The following ARHGAP20 variants were observed in gnomAD, a reference collection of about 807,000 sequenced individuals.
The protein encoded by ARHGAP20 is Rho GTPase activating protein 20, also known as rho GTPase-activating protein 20.
ARHGAP20 carries 34 observed loss-of-function variants against 73.7 expected under a neutral mutation model. The ratio of observed to expected loss-of-function variants is 0.46; its 90% confidence interval spans 0.35 to 0.61. ARHGAP20 has a LOEUF of 0.61. Ranked by LOEUF, ARHGAP20 falls within the 20% of genes least tolerant of loss-of-function variation. The pLI is 0.00. For synonymous variants in ARHGAP20, 523 were observed against 518.2 expected (o/e 1.01, Z -0.13); for missense variants, 1,314 against 1,420.9 (o/e 0.92, Z 1.21).
chr11:110,681,434 C>A (rs1221434812), intron 2 of ARHGAP20, among the ~76,000 whole-genome samples: 1 of 152,030 alleles, frequency 6.6e-6, no homozygotes, highest in Non-Finnish European at 1.5e-5. Flanking sequence ...ATGAGAGTGG[C>A]CTTTATGAGG....
chr11:110,584,494 G>C (rs1303270264), intron 12 of ARHGAP20, among the ~76,000 whole-genome samples: 1 of 151,752 alleles, frequency 6.6e-6, no homozygotes, highest in Non-Finnish European at 1.5e-5. Flanking sequence ...CAAATAGCAG[G>C]GAGGCCTTTC....
intron 2 of ARHGAP20, among the ~76,000 whole-genome samples, chr11:110,677,165 T>C (rs1949948565): frequency 6.6e-6 from 1 of 152,230 alleles, no homozygotes; most frequent in African/African-American, 2.4e-5. Context: ...TTTAATCCTA[T>C]ACTTTGCTTT....
At chr11:110,584,951 A>ATGAATATATG (rs1555082390) in intron 12 of ARHGAP20, among the ~76,000 whole-genome samples, 1 of 93,786 alleles carries the variant, frequency 1.1e-5, no homozygotes, top group African/African-American at 3.3e-5. Flanking sequence ...ATATGAATAT[A>ATGAATATATG]TGAATATATG....
chr11:110,612,812 T>TA, intron 6 of ARHGAP20, among the ~76,000 whole-genome samples: 1 of 152,190 alleles, frequency 6.6e-6, no homozygotes, highest in East Asian at 1.9e-4. Context: ...AAAAAGCATT[T>TA]AAAATGCACA....
In ARHGAP20 at chr11:110,658,129, C is replaced by T. The variant is rs1478760510; in HGVS notation, c.189-27337G>A. ...GTAAGCCTTTTAAACTGCATTTTAT[C>T]AGTCTGTCAAATAGAAGTATTCATG... is the stretch of plus-strand genomic sequence containing the variant. On this transcript the variant is annotated intron_variant, in intron 2 of 14. Transcript: ENST00000683387. 2.0e-5 allele frequency among the ~76,000 whole-genome samples: 3 copies of T among 152,142 alleles called. No individual in the cohort carries two copies. The East Asian group carries it at 5.8e-4, about 29-fold the overall frequency.
In ARHGAP20 at chr11:110,590,702, T is replaced by C; in HGVS notation, c.1251A>G (p.Gly417=). ...ATTCACAGTCTAGGTGTACTTCGAC[T>C]CCAGAATTCAATTTCTCTTTTAGTT... ...CRELKEKLNS[G]VEVHLDCESI... The change falls in exon 11 of 15, where the codon GGA becomes GGG. Residue 417 remains glycine, a synonymous_variant. Coordinates refer to ENST00000683387, the MANE Select transcript of ARHGAP20 (RefSeq NM_001384657.1). The C allele has an allele frequency of 6.2e-7, 1 of 1,614,132 alleles. No individual in the cohort carries two copies. Among genetic ancestry groups the C allele is most frequent in the Non-Finnish European group, 8.5e-7 (1 of 1,179,992 alleles).
chr11:110,611,361 G>A lies in ARHGAP20; in HGVS notation c.656C>T (p.Ser219Leu), dbSNP rs1471243657. ...GTTGATAACTTCATTCGCTGTATCTGAATTCATTACTGTTATAGTTTTAGA... is the reference window on the plus strand; with the variant it reads ...GTTGATAACTTCATTCGCTGTATCTAAATTCATTACTGTTATAGTTTTAGA... ...AYSKTITVMN[S>L]DTANEVINMS... is the part of the protein sequence containing the mutation. Residue 219 changes from serine to leucine, a missense_variant, in exon 7 of 15, where the codon TCA (serine) becomes TTA (leucine). Transcript: ENST00000683387. 3 of 1,555,802 alleles carry A rather than the reference G, an allele frequency of 1.9e-6. No homozygotes were observed. Among genetic ancestry groups the A allele is most frequent in the Admixed American group, 1.8e-5 (1 of 54,570 alleles).
At chr11:110,699,259 G>C (rs1950397198) in intron 1 of ARHGAP20, among the ~76,000 whole-genome samples, 1 of 151,812 alleles carries the variant, frequency 6.6e-6, no homozygotes, top group South Asian at 2.1e-4. Flanking sequence ...CTCCACTGTG[G>C]TCCGAGAAGA....
In ARHGAP20 at chr11:110,579,824, C is replaced by A; in HGVS notation, c.3122G>T (p.Gly1041Val). The change falls in exon 15 of 15, where the codon GGT (glycine) becomes GTT (valine). Residue 1041 changes from glycine (G) to valine (V), a missense_variant. Transcript: ENST00000683387. ...TLHPSTWLRN[G>V]VASLKNWSLK... ...GGACCAGTTTTTCAAACTGGCCACACCATTTCTCAACCATGTGCTGGGATG... is the reference window on the plus strand; with the variant it reads ...GGACCAGTTTTTCAAACTGGCCACAACATTTCTCAACCATGTGCTGGGATG... 1 of 1,614,202 alleles carries A rather than the reference C, an allele frequency of 6.2e-7. No homozygotes were observed. Among genetic ancestry groups the A allele is most frequent in the Non-Finnish European group, 8.5e-7 (1 of 1,180,046 alleles).
chr11:110,635,511 T>C (rs1285206641), intron 2 of ARHGAP20, among the ~76,000 whole-genome samples: 3 of 152,164 alleles, frequency 2.0e-5, no homozygotes, highest in Non-Finnish European at 2.9e-5. Flanking sequence ...ATAAGTAGTT[T>C]ATAGTTCTAC....
rs940565081 is a variant in ARHGAP20, at chr11:110,691,149, AC to A, written c.106-521del. ...CTTGGGAATCCCTTCTTCCAAATAGACTTTTTTAAAACTGTAACTTCAAACA... is the reference window on the plus strand; with the variant it reads ...CTTGGGAATCCCTTCTTCCAAATAGATTTTTTAAAACTGTAACTTCAAACA... On this transcript the variant is annotated intron_variant, in intron 1 of 14. Transcript: ENST00000683387. 6 of 527,012 alleles carry A rather than the reference AC, an allele frequency of 1.1e-5. No homozygotes were observed. In the African/African-American group the frequency reaches 1.2e-4, roughly 10 times the overall value. The allele number at this position is 527,012 out of a possible 1,614,324, so 32.6% of individuals were successfully genotyped here. A position where few individuals can be genotyped will look rare whatever the true frequency, so the allele number is the denominator to read the frequency against.
intron 9 of ARHGAP20, among the ~76,000 whole-genome samples, chr11:110,602,867 T>G (rs887111546): frequency 6.6e-6 from 1 of 152,216 alleles, no homozygotes; most frequent in East Asian, 1.9e-4. Flanking sequence ...ATAGTCTGCA[T>G]AGAATAACTA....
chr11:110,639,589 T>C (rs1362420439), intron 2 of ARHGAP20, among the ~76,000 whole-genome samples: 2 of 152,026 alleles, frequency 1.3e-5, no homozygotes, highest in Non-Finnish European at 2.9e-5. Flanking sequence ...TAAGCTTTTC[T>C]ATAAGCAGTC....
intron 2 of ARHGAP20, among the ~76,000 whole-genome samples, chr11:110,687,485 T>C (rs1950160290): frequency 6.6e-6 from 1 of 152,154 alleles, no homozygotes; most frequent in African/African-American, 2.4e-5. Flanking sequence ...GGGAAGGGCA[T>C]TGTTGTATAT....
intron 2 of ARHGAP20, among the ~76,000 whole-genome samples, chr11:110,633,695 G>A (rs150527001): frequency 4.6e-5 from 7 of 152,244 alleles, no homozygotes; most frequent in South Asian, 2.1e-4. Context: ...GACATAACCC[G>A]TTGTAAGTCG....
intron 3 of ARHGAP20, among the ~76,000 whole-genome samples, chr11:110,627,350 C>G (rs904578301): frequency 2.6e-5 from 4 of 152,168 alleles, no homozygotes; most frequent in Non-Finnish European, 4.4e-5. Flanking sequence ...GCCTCGGCCT[C>G]CCAAAGTGCT....
chr11:110,679,487 T>A (rs1949996189), intron 2 of ARHGAP20, among the ~76,000 whole-genome samples: 1 of 152,182 alleles, frequency 6.6e-6, no homozygotes, highest in South Asian at 2.1e-4. Flanking sequence ...AAGAGGATAC[T>A]ACTTACTCCT....
chr11:110,598,185 T>C (rs592884), intron 9 of ARHGAP20, among the ~76,000 whole-genome samples: 23 of 151,292 alleles, frequency 1.5e-4, no homozygotes, highest in African/African-American at 2.7e-4. Flanking sequence ...TTTTTTTTTT[T>C]CCCCTAGAGT....
At chr11:110,612,753 T>G (rs2134893754) in intron 6 of ARHGAP20, among the ~76,000 whole-genome samples, 1 of 152,348 alleles carries the variant, frequency 6.6e-6, no homozygotes, top group East Asian at 1.9e-4. Context: ...AGTGAATTAT[T>G]TGATATGACA....
Sources: allele counts gnomAD v4.1 joint callset (sites outside exome capture counted in the v4.1 genomes callset), GRCh38; gene constraint gnomAD v4.1.1; transcripts MANE v1.5; gene names NCBI Gene and HGNC (gene_info 2026-07-23, HGNC 2026-07-21).